Variants in CEP83 observed in about 807,000 individuals in gnomAD.
The protein encoded by CEP83 is centrosomal protein of 83 kDa.
Under a neutral mutation model 101.9 loss-of-function variants are expected in CEP83, and 70 were observed. The ratio of observed to expected loss-of-function variants is 0.69; its 90% confidence interval spans 0.57 to 0.84. CEP83 has a LOEUF of 0.84. Ranked by LOEUF, CEP83 falls within the 40% of genes least tolerant of loss-of-function variation. The pLI is 0.00. For missense variants in CEP83, 715 were observed against 787.2 expected, an observed-to-expected ratio of 0.91 and a Z score of 1.10; for synonymous variants, 264 against 267.9, an observed-to-expected ratio of 0.99 and a Z score of 0.14.
Position 94,315,617 on chromosome 12 carries a change from G to A in CEP83, c.1708-2600C>T, listed in dbSNP as rs140029774. 7.9e-4 allele frequency among the ~76,000 whole-genome samples: 120 copies of A among 151,578 alleles called. 1 individual carries two copies. The East Asian group carries it at 0.022, about 28-fold the overall frequency. ...TACATCAATCATGTATTTTATAGTAGGAACTTTTTGCATCCTGCTTATCTT... is the reference window on the plus strand; with the variant it reads ...TACATCAATCATGTATTTTATAGTAAGAACTTTTTGCATCCTGCTTATCTT... On this transcript the variant is annotated intron_variant, in intron 14 of 16. Coordinates refer to ENST00000397809, the MANE Select transcript of CEP83 (RefSeq NM_016122.3).
rs779970603 is a variant in CEP83, at chr12:94,370,059, A to G, written c.934-23T>C. On this transcript the variant is annotated intron_variant, in intron 8 of 16. Coordinates refer to ENST00000397809, the MANE Select transcript of CEP83 (RefSeq NM_016122.3). ...TACCTGTTGATAATTAAAAACTGAA[A>G]TTACTATTGGTCATTTTCTTGCCAT... 3 of 1,344,424 alleles carry G rather than the reference A, an allele frequency of 2.2e-6. No individual in the cohort carries two copies. In the African/African-American group the frequency reaches 4.3e-5, roughly 19 times the overall value. 83.3% of individuals were successfully genotyped at this position (1,344,424 alleles called of 1,614,324 possible).
chr12:94,429,267 T>C (rs76368427), intron 2 of CEP83, among the ~76,000 whole-genome samples: 8,637 of 152,180 alleles, frequency 0.057, 272 homozygotes, highest in Non-Finnish European at 0.072. Flanking sequence ...AAATGAGAGA[T>C]GCCCAGGGGT....
At chr12:94,377,734 A>G (rs147668627) in intron 7 of CEP83, among the ~76,000 whole-genome samples, 3 of 152,288 alleles carry the variant, frequency 2.0e-5, no homozygotes, top group East Asian at 1.9e-4. Context: ...AAGGACCTCA[A>G]TGGAAAGTTT....
At chr12:94,333,162 T>C (rs2059308224) in intron 13 of CEP83, among the ~76,000 whole-genome samples, 1 of 151,984 alleles carries the variant, frequency 6.6e-6, no homozygotes, top group Non-Finnish European at 1.5e-5. Context: ...CATTCTGTTC[T>C]CTGGCATTCA....
At chr12:94,420,280 A>T (rs541418814) in intron 2 of CEP83, among the ~76,000 whole-genome samples, 1 of 152,234 alleles carries the variant, frequency 6.6e-6, no homozygotes, top group Non-Finnish European at 1.5e-5. Flanking sequence ...TCTCCTGGGC[A>T]TATATCCACT....
chr12:94,371,090 C>A (rs1156982772), intron 8 of CEP83, among the ~76,000 whole-genome samples: 2 of 152,148 alleles, frequency 1.3e-5, no homozygotes, highest in African/African-American at 2.4e-5. Flanking sequence ...TGTATAACAT[C>A]ACATGGTCTG....
At chr12:94,393,518 C>A (rs1002256446) in intron 6 of CEP83, among the ~76,000 whole-genome samples, 3 of 152,184 alleles carry the variant, frequency 2.0e-5, no homozygotes, top group African/African-American at 7.2e-5. Flanking sequence ...CAGCCAATAT[C>A]ATACTGAATG....
At chr12:94,324,576 C>T (rs891290498) in intron 14 of CEP83, among the ~76,000 whole-genome samples, 1 of 152,098 alleles carries the variant, frequency 6.6e-6, no homozygotes, top group Non-Finnish European at 1.5e-5. Context: ...AAGGCTTTAT[C>T]AATTTCGTAA....
intron 11 of CEP83, among the ~76,000 whole-genome samples, chr12:94,364,925 GA>G (rs548482299): frequency 1.2e-4 from 18 of 152,186 alleles, no homozygotes; most frequent in African/African-American, 3.9e-4. Context: ...CAAGCAAAAA[GA>G]AGTGAATTCC....
intron 1 of CEP83, among the ~76,000 whole-genome samples, chr12:94,456,430 G>A (rs578017718): frequency 6.6e-6 from 1 of 152,268 alleles, no homozygotes; most frequent in East Asian, 1.9e-4. Context: ...ATGCCTATCT[G>A]TCATTGTATT....
intron 14 of CEP83, chr12:94,328,099 A>G (rs762873855): frequency 2.9e-4 from 48 of 164,092 alleles, no homozygotes; most frequent in Non-Finnish European, 4.2e-4. Context: ...GAAAACATTC[A>G]TAATAGTATC....
intron 14 of CEP83, among the ~76,000 whole-genome samples, chr12:94,331,430 G>A (rs374161844): frequency 4.2e-5 from 5 of 119,502 alleles, no homozygotes; most frequent in South Asian, 5.8e-4. Context: ...GCAGTGGCAC[G>A]ATCTCGGCTC....
chr12:94,269,870 C>A, the CEP83 span, among the ~76,000 whole-genome samples: 7 of 152,186 alleles, frequency 4.6e-5, no homozygotes, highest in Admixed American at 4.6e-4. Flanking sequence ...TTTTTACAAT[C>A]ATTTTAGGTA....
intron 6 of CEP83, among the ~76,000 whole-genome samples, chr12:94,382,952 G>C (rs190388277): frequency 1.3e-5 from 2 of 152,040 alleles, no homozygotes; most frequent in Non-Finnish European, 2.9e-5. Context: ...CACTTGTTGA[G>C]AGAGGGGTAT....
chr12:94,414,632 A>G lies in CEP83; in HGVS notation c.-101-2041T>C, dbSNP rs2064138475. Among the ~76,000 whole-genome samples the G allele has an allele frequency of 3.9e-5, 6 of 152,264 alleles. No individual in the cohort carries two copies. The South Asian group carries it at 1.2e-3, about 31-fold the overall frequency. ...TAACTTTTCCATGCACTGAGAAACC[A>G]GAAAATTCTTGTGACTTGTTTTATT... On this transcript the variant is annotated intron_variant, in intron 2 of 16. Transcript: ENST00000397809.
intron 1 of CEP83, among the ~76,000 whole-genome samples, chr12:94,442,650 T>C (rs1234930283): frequency 6.6e-6 from 1 of 152,184 alleles, no homozygotes; most frequent in Non-Finnish European, 1.5e-5. Flanking sequence ...AATCTGTCTT[T>C]TGTTATAGGG....
chr12:94,419,614 G>C (rs1405210722), intron 2 of CEP83, among the ~76,000 whole-genome samples: 3 of 152,068 alleles, frequency 2.0e-5, no homozygotes, highest in Non-Finnish European at 4.4e-5. Context: ...CAAATATACA[G>C]TAATTAAGAT....
At chr12:94,273,798 G>A in the CEP83 span, among the ~76,000 whole-genome samples, 1 of 152,122 alleles carries the variant, frequency 6.6e-6, no homozygotes, top group Non-Finnish European at 1.5e-5. Context: ...CTGGCAGTTT[G>A]GCACATGCAG....
chr12:94,303,695 T>A (rs1290485694), downstream of CEP83: 17 of 329,574 alleles, frequency 5.2e-5, no homozygotes, highest in Non-Finnish European at 7.3e-5. Context: ...TCCTCCATCT[T>A]TTTTTTTTTT....
Sources: allele counts gnomAD v4.1 joint callset (sites outside exome capture counted in the v4.1 genomes callset), GRCh38; gene constraint gnomAD v4.1.1; transcripts MANE v1.5; gene names NCBI Gene and HGNC (gene_info 2026-07-23, HGNC 2026-07-21).